Variants in CNTN5 observed in about 807,000 individuals in gnomAD.
CNTN5 encodes contactin-5.
Under a neutral mutation model 129.1 loss-of-function variants are expected in CNTN5, and 77 were observed. That is an observed-to-expected ratio of 0.60 (90% confidence interval 0.50 to 0.72). CNTN5 has a LOEUF of 0.72. Ranked by LOEUF, CNTN5 falls within the 30% of genes least tolerant of loss-of-function variation. CNTN5 has a pLI of 0.00. For missense variants in CNTN5, 1,478 were observed against 1,328.8 expected (o/e 1.11, Z -1.75); for synonymous variants, 509 against 465.6 (o/e 1.09, Z -1.20).
chr11:100,192,009 T>C lies in CNTN5; in HGVS notation c.1708+756T>C, dbSNP rs144867204. On this transcript the variant is annotated intron_variant, in intron 14 of 24. Transcript: ENST00000524871. ...AAATATAAAAATATTATTTTTTCTG[T>C]CTTTAAAATAAAAATGTAATTAATA... Among the ~76,000 whole-genome samples the C allele has an allele frequency of 9.4e-3, 1,423 of 152,106 alleles. 24 individuals are homozygous for C. Among genetic ancestry groups the C allele is most frequent in the African/African-American group, 0.032 (1,333 of 41,532 alleles).
At chr11:99,996,555 G>A (rs1939456815) in intron 8 of CNTN5, among the ~76,000 whole-genome samples, 1 of 151,608 alleles carries the variant, frequency 6.6e-6, no homozygotes. Context: ...TTTTTTTATA[G>A]CTCCATTTAC....
At chr11:99,850,271 G>A (rs1275414538) in intron 6 of CNTN5, among the ~76,000 whole-genome samples, 1 of 151,966 alleles carries the variant, frequency 6.6e-6, no homozygotes, top group Non-Finnish European at 1.5e-5. Context: ...AACATACAGT[G>A]AGGACCTAGA....
At chr11:99,287,968 G>T (rs186130284) in intron 1 of CNTN5, among the ~76,000 whole-genome samples, 1 of 151,900 alleles carries the variant, frequency 6.6e-6, no homozygotes, top group African/African-American at 2.4e-5. Flanking sequence ...TGCTCTTCTC[G>T]TTTAATTCCA....
intron 10 of CNTN5, among the ~76,000 whole-genome samples, chr11:100,065,251 T>C (rs1343036169): frequency 3.9e-5 from 6 of 152,178 alleles, no homozygotes; most frequent in Non-Finnish European, 8.8e-5. Flanking sequence ...TTCTATCGTC[T>C]GCAATTTGAT....
intron 9 of CNTN5, among the ~76,000 whole-genome samples, chr11:100,048,623 A>G (rs1287098389): frequency 6.6e-6 from 1 of 152,076 alleles, no homozygotes; most frequent in Non-Finnish European, 1.5e-5. Flanking sequence ...AGAAGAAAAG[A>G]TCAATGAATT....
intron 3 of CNTN5, among the ~76,000 whole-genome samples, chr11:99,741,750 C>G (rs996410681): frequency 6.6e-6 from 1 of 152,074 alleles, no homozygotes; most frequent in Non-Finnish European, 1.5e-5. Flanking sequence ...TTAGAAAGTT[C>G]ATTTAAATGA....
chr11:99,161,343 A>G (rs1860601020), intron 1 of CNTN5, among the ~76,000 whole-genome samples: 1 of 152,120 alleles, frequency 6.6e-6, no homozygotes, highest in South Asian at 2.1e-4. Context: ...TAATAACAGA[A>G]TCTTATGTAT....
chr11:99,772,324 G>A (rs1025643221), intron 3 of CNTN5, among the ~76,000 whole-genome samples: 1 of 152,032 alleles, frequency 6.6e-6, no homozygotes, highest in Non-Finnish European at 1.5e-5. Flanking sequence ...AGTCCGGAAT[G>A]TATGTAAGGT....
intron 3 of CNTN5, among the ~76,000 whole-genome samples, chr11:99,691,456 T>C (rs922868786): frequency 6.6e-6 from 1 of 152,224 alleles, no homozygotes; most frequent in Admixed American, 6.5e-5. Context: ...TATCTTTGTT[T>C]TTTATTATTT....
chr11:99,941,718 A>C (rs72992873), intron 7 of CNTN5, among the ~76,000 whole-genome samples: 2 of 152,122 alleles, frequency 1.3e-5, no homozygotes, highest in South Asian at 2.1e-4. Flanking sequence ...GTAATGAGCC[A>C]TGCAGGTAAC....
chr11:99,909,548 A>G (rs546810120), intron 6 of CNTN5, among the ~76,000 whole-genome samples: 2 of 152,302 alleles, frequency 1.3e-5, no homozygotes, highest in East Asian at 3.9e-4. Flanking sequence ...AATAGCAAAG[A>G]CTTGGAACCA....
chr11:99,994,487 T>C (rs1939321927), intron 8 of CNTN5, among the ~76,000 whole-genome samples: 1 of 152,132 alleles, frequency 6.6e-6, no homozygotes. Context: ...TTACTAGAAA[T>C]AATTATATAG....
intron 4 of CNTN5, among the ~76,000 whole-genome samples, chr11:99,831,239 C>T (rs1361965025): frequency 2.6e-5 from 4 of 152,088 alleles, no homozygotes; most frequent in African/African-American, 9.7e-5. Context: ...ATAATCCATG[C>T]TTCAGGATTC....
intron 10 of CNTN5, among the ~76,000 whole-genome samples, chr11:100,063,871 C>G (rs758847067): frequency 4.0e-5 from 6 of 151,892 alleles, no homozygotes; most frequent in Non-Finnish European, 5.9e-5. Flanking sequence ...TGGGTTAGAC[C>G]CTGTCTTAAA....
intron 3 of CNTN5, among the ~76,000 whole-genome samples, chr11:99,623,522 A>G (rs1348351846): frequency 6.6e-6 from 1 of 152,086 alleles, no homozygotes; most frequent in Non-Finnish European, 1.5e-5. Flanking sequence ...TGCTGATTAC[A>G]TTAGCATATT....
intron 3 of CNTN5, among the ~76,000 whole-genome samples, chr11:99,568,666 A>C (rs1041402187): frequency 2.6e-5 from 4 of 152,238 alleles, no homozygotes; most frequent in African/African-American, 9.6e-5. Flanking sequence ...TCTCCTTTAT[A>C]TTAAACAAAT....
At chr11:99,259,466 G>A (rs1862530779) in intron 1 of CNTN5, among the ~76,000 whole-genome samples, 2 of 151,860 alleles carry the variant, frequency 1.3e-5, no homozygotes, top group African/African-American at 4.8e-5. Flanking sequence ...TTTATCTGCA[G>A]TGGTGAGCAA....
intron 2 of CNTN5, among the ~76,000 whole-genome samples, chr11:99,537,425 A>G (rs1947942593): frequency 6.6e-6 from 1 of 152,170 alleles, no homozygotes; most frequent in Non-Finnish European, 1.5e-5. Flanking sequence ...TTTTAACTAC[A>G]CCACAAATAA....
chr11:99,663,118 TAGAA>T (rs10567541), intron 3 of CNTN5, among the ~76,000 whole-genome samples: 92,154 of 151,582 alleles, frequency 0.61, 28,924 homozygotes, highest in Admixed American at 0.69. Flanking sequence ...AATAGTCTGA[TAGAA>T]AGCTGCAATG....
Sources: gnomAD v4.1 joint callset for allele counts (sites outside exome capture counted in the v4.1 genomes callset) on GRCh38, gnomAD v4.1.1 for gene constraint, MANE v1.5 for transcripts, NCBI Gene and HGNC (gene_info 2026-07-23, HGNC 2026-07-21) for gene names.